FRMD4A: variants seen among roughly 807,000 people sequenced by gnomAD.
The protein encoded by FRMD4A is FERM domain-containing protein 4A.
Under a neutral mutation model 129.1 loss-of-function variants are expected in FRMD4A, and 29 were observed. That is an observed-to-expected ratio of 0.22 (90% CI 0.17 to 0.31). The LOEUF is 0.31. FRMD4A is among the 10% of genes least tolerant of loss of function. The probability of loss-of-function intolerance (pLI) is 1.00; values close to 1 mark genes in which losing one functional copy is unlikely to be tolerated. For synonymous variants in FRMD4A, 634 were observed against 571.6 expected, an observed-to-expected ratio of 1.11 and a Z score of -1.56; for missense variants, 1,272 against 1,375.8, an observed-to-expected ratio of 0.92 and a Z score of 1.19.
chr10:13,825,033 C>G (rs2093681418), intron 3 of FRMD4A, among the ~76,000 whole-genome samples: 1 of 152,082 alleles, frequency 6.6e-6, no homozygotes, highest in Non-Finnish European at 1.5e-5. Flanking sequence ...CCAAGACTCC[C>G]AGTAGATACC....
chr10:14,330,216 G>A, intron 1 of FRMD4A, 33 bp from the exon 2 acceptor site: 1 of 1,068,296 alleles, frequency 9.4e-7, no homozygotes, highest in South Asian at 1.4e-5. Flanking sequence ...CCAGACTTAG[G>A]GAGCAAAAGG....
chr10:13,819,610 C>A (rs565103971), intron 3 of FRMD4A, among the ~76,000 whole-genome samples: 2 of 152,132 alleles, frequency 1.3e-5, no homozygotes, highest in South Asian at 4.1e-4. Flanking sequence ...GTCACTGGAA[C>A]CTGTGAGTAT....
chr10:14,293,008 G>A (rs1845896841), intron 2 of FRMD4A, among the ~76,000 whole-genome samples: 1 of 147,420 alleles, frequency 6.8e-6, no homozygotes, highest in African/African-American at 2.5e-5. Flanking sequence ...AAATGACAAA[G>A]GATAAGTATC....
At chr10:14,058,585 T>C (rs1324894132) in intron 2 of FRMD4A, among the ~76,000 whole-genome samples, 1 of 152,216 alleles carries the variant, frequency 6.6e-6, no homozygotes, top group Non-Finnish European at 1.5e-5. Context: ...AAGATAGAAA[T>C]TCACTGTTGA....
At chr10:13,813,119 G>A (rs992514455) in intron 3 of FRMD4A, among the ~76,000 whole-genome samples, 1 of 152,248 alleles carries the variant, frequency 6.6e-6, no homozygotes, top group Non-Finnish European at 1.5e-5. Flanking sequence ...TGGATCACTT[G>A]TGACTATGAG....
In FRMD4A at chr10:13,654,462, C is replaced by T. The variant is rs749526008; in HGVS notation, c.3004G>A (p.Ala1002Thr). 1 of 1,613,904 alleles carries T rather than the reference C, an allele frequency of 6.2e-7. No individual in the cohort carries two copies. Among genetic ancestry groups the T allele is most frequent in the East Asian group, 2.2e-5 (1 of 44,876 alleles). The change falls in exon 23 of 25, where the codon GCC becomes ACC. Residue 1002 changes from alanine to threonine, a missense_variant. By Grantham distance (58) the Ala-to-Thr change is moderately conservative. Transcript: ENST00000357447. ...RSSTPSSEIG[A>T]TPPSSPHHIL... ...TGGTGGGGGCTGCTTGGGGGGGTGGCTCCAATTTCACTTGACGGTGTCGAG... is the reference window on the plus strand; with the variant it reads ...TGGTGGGGGCTGCTTGGGGGGGTGGTTCCAATTTCACTTGACGGTGTCGAG...
intron 2 of FRMD4A, among the ~76,000 whole-genome samples, chr10:13,919,336 T>C (rs1297736519): frequency 1.3e-5 from 2 of 152,190 alleles, no homozygotes; most frequent in African/African-American, 4.8e-5. Flanking sequence ...AGTAAGTAGA[T>C]GCCTATATTT....
At chr10:13,781,948 C>T (rs775823780) in intron 6 of FRMD4A, among the ~76,000 whole-genome samples, 19 of 152,188 alleles carry the variant, frequency 1.2e-4, no homozygotes, top group South Asian at 6.2e-4. Context: ...CTGAACTGCA[C>T]ACTTAAAAAT....
chr10:13,898,204 C>T (rs759356931), intron 2 of FRMD4A, among the ~76,000 whole-genome samples: 5 of 151,990 alleles, frequency 3.3e-5, no homozygotes, highest in Non-Finnish European at 7.4e-5. Context: ...GAAAGCCAGT[C>T]TCTACTAAAA....
intron 15 of FRMD4A, among the ~76,000 whole-genome samples, chr10:13,679,456 A>T (rs1341306735): frequency 0.018 from 558 of 31,728 alleles, 26 homozygotes; most frequent in African/African-American, 0.073. Flanking sequence ...AAAAAAAAAA[A>T]AAAAATATAT....
At chr10:13,904,075 A>C (rs2094852153) in intron 2 of FRMD4A, among the ~76,000 whole-genome samples, 1 of 152,130 alleles carries the variant, frequency 6.6e-6, no homozygotes, top group African/African-American at 2.4e-5. Flanking sequence ...GTGAAGCTGA[A>C]GCTCCCTGGC....
chr10:13,754,426 T>C (rs2091769811), intron 8 of FRMD4A, among the ~76,000 whole-genome samples: 1 of 152,222 alleles, frequency 6.6e-6, no homozygotes, highest in Non-Finnish European at 1.5e-5. Context: ...CTTTTCCACT[T>C]GAACATTTTG....
intron 2 of FRMD4A, among the ~76,000 whole-genome samples, chr10:14,238,590 T>C (rs139800498): frequency 0.031 from 4,784 of 152,258 alleles, 254 homozygotes; most frequent in African/African-American, 0.11. Flanking sequence ...TAGGTATACA[T>C]GTGCCTTCAT....
At chr10:14,128,038 T>C (rs1839000933) in intron 2 of FRMD4A, among the ~76,000 whole-genome samples, 1 of 126,840 alleles carries the variant, frequency 7.9e-6, no homozygotes, top group African/African-American at 3.1e-5. Context: ...CTTCCTTCCT[T>C]TCTTTCCCTC....
chr10:13,905,010 A>AAAAAAAAG (rs2094867094), intron 2 of FRMD4A, among the ~76,000 whole-genome samples: 1 of 150,670 alleles, frequency 6.6e-6, no homozygotes, highest in Non-Finnish European at 1.5e-5. Flanking sequence ...AAAAAAAAAA[A>AAAAAAAAG]GAAAAGAAAA....
rs574134979 is a variant in FRMD4A at position 14,011,978 on chromosome 10, C to T, written c.46-153066G>A. On this transcript the variant is annotated intron_variant, in intron 2 of 24. Coordinates refer to ENST00000357447, the MANE Select transcript of FRMD4A (RefSeq NM_018027.5). Reference sequence around the variant, plus strand: ...GAGCTGAGATTGCACCACTGCACTCCAGCCTGGGAGGCAGACAGCATGAGA... The same window carrying T: ...GAGCTGAGATTGCACCACTGCACTCTAGCCTGGGAGGCAGACAGCATGAGA... 2.0e-5 allele frequency among the ~76,000 whole-genome samples: 3 copies of T among 150,248 alleles called. No homozygotes were observed. The South Asian group carries it at 6.3e-4, about 32-fold the overall frequency.
At chr10:14,242,597 T>C (rs1321281821) in intron 2 of FRMD4A, among the ~76,000 whole-genome samples, 2 of 152,238 alleles carry the variant, frequency 1.3e-5, no homozygotes, top group Non-Finnish European at 2.9e-5. Flanking sequence ...CTCTAGTGCA[T>C]GACCTCTGAA....
chr10:13,884,174 A>ACACACACACT (rs769193704), intron 2 of FRMD4A, among the ~76,000 whole-genome samples: 1 of 105,216 alleles, frequency 9.5e-6, no homozygotes, highest in African/African-American at 3.6e-5. Context: ...ACACTCACAC[A>ACACACACACT]CTCACACACA....
rs147603300 is a variant in FRMD4A, at chr10:13,784,435, T to C, written c.300-1429A>G. Among the ~76,000 whole-genome samples the C allele has an allele frequency of 8.9e-3, 1,358 of 152,286 alleles. 18 individuals carry two copies. The highest frequency in any genetic ancestry group is 0.026 in the African/African-American group (1,093 of 41,552). On this transcript the variant is annotated intron_variant, in intron 5 of 24. Transcript: ENST00000357447. ...AACAAGAGACCAACATCGTATAAGG[T>C]GAACAAACTGATGCCCTTAGCTTCA...
Sources: gnomAD v4.1 joint callset for allele counts (sites outside exome capture counted in the v4.1 genomes callset) on GRCh38, gnomAD v4.1.1 for gene constraint, MANE v1.5 for transcripts, NCBI Gene and HGNC (gene_info 2026-07-23, HGNC 2026-07-21) for gene names.